The following DENND1A variants were observed in gnomAD, a reference collection of about 807,000 sequenced individuals.
The protein encoded by DENND1A is DENN domain-containing protein 1A.
In DENND1A, 51 loss-of-function variants were observed where a neutral mutation model predicts 113.7. The observed-to-expected ratio is 0.45, with a 90% CI of 0.36 to 0.57. DENND1A has a LOEUF of 0.57. Among genes scored for constraint, DENND1A ranks in the 20% least tolerant of loss-of-function variants. The probability of loss-of-function intolerance (pLI) is 0.00; values close to 1 mark genes in which losing one functional copy is unlikely to be tolerated. For missense variants in DENND1A, 1,258 were observed against 1,395.9 expected, an observed-to-expected ratio of 0.90 and a Z score of 1.57; for synonymous variants, 565 against 570.8, an observed-to-expected ratio of 0.99 and a Z score of 0.14.
chr9:123,501,587 C>A (rs2052488656), intron 13 of DENND1A, among the ~76,000 whole-genome samples: 1 of 152,140 alleles, frequency 6.6e-6, no homozygotes, highest in Admixed American at 6.6e-5. Flanking sequence ...ATCAACAGTA[C>A]CCAAAGGTTC....
chr9:123,632,208 G>A (rs2061506160), intron 9 of DENND1A, among the ~76,000 whole-genome samples: 1 of 151,112 alleles, frequency 6.6e-6, no homozygotes, highest in African/African-American at 2.4e-5. Context: ...CACCTGCCCT[G>A]ACTCTTTCCT....
chr9:123,471,095 T>C (rs898007404), intron 13 of DENND1A, among the ~76,000 whole-genome samples: 2 of 152,310 alleles, frequency 1.3e-5, no homozygotes, highest in Non-Finnish European at 1.5e-5. Context: ...CTAATGTGAA[T>C]GTGTTGTTTC....
At chr9:123,892,890 G>A (rs1850136312) in intron 1 of DENND1A, among the ~76,000 whole-genome samples, 1 of 152,172 alleles carries the variant, frequency 6.6e-6, no homozygotes, top group Non-Finnish European at 1.5e-5. Context: ...GCTGAGGCAG[G>A]AGAATTGCTT....
At chr9:123,635,421 T>C (rs905885508) in intron 9 of DENND1A, among the ~76,000 whole-genome samples, 3 of 152,276 alleles carry the variant, frequency 2.0e-5, no homozygotes, top group Non-Finnish European at 2.9e-5. Context: ...CATCCAGGTC[T>C]GTCAGAATAT....
chr9:123,412,435 C>T (rs910115173), intron 19 of DENND1A, among the ~76,000 whole-genome samples: 6 of 152,294 alleles, frequency 3.9e-5, no homozygotes, highest in Admixed American at 2.6e-4. Context: ...TGGGACTCAG[C>T]GTGGGATCCC....
At chr9:123,841,393 T>C (rs1841808465) in intron 2 of DENND1A, among the ~76,000 whole-genome samples, 1 of 152,220 alleles carries the variant, frequency 6.6e-6, no homozygotes, top group African/African-American at 2.4e-5. Context: ...TAATTTTCAT[T>C]TTAAAGGCAT....
chr9:123,510,185 C>T (rs2053333654), intron 13 of DENND1A, among the ~76,000 whole-genome samples: 1 of 152,252 alleles, frequency 6.6e-6, no homozygotes, highest in Non-Finnish European at 1.5e-5. Flanking sequence ...TCATCTCTCA[C>T]CACCGTGGAG....
At position 123,768,173 on chromosome 9, in the gene DENND1A, T is replaced by C. The variant is rs560519653; in HGVS notation, c.182+1341A>G. ...TGAGCATCAACCTGCTACTGAAATA[T>C]TCCTGGTACCAGGATTTACAAGGTC... On this transcript the variant is annotated intron_variant, in intron 4 of 23. Transcript: ENST00000394215. Among the ~76,000 whole-genome samples, 4 of 152,308 alleles carry C rather than the reference T, an allele frequency of 2.6e-5. No homozygotes were observed. In the South Asian group the frequency reaches 8.3e-4, roughly 32 times the overall value.
intron 5 of DENND1A, among the ~76,000 whole-genome samples, chr9:123,700,267 G>T (rs1438735945): frequency 1.3e-5 from 2 of 152,118 alleles, no homozygotes; most frequent in Non-Finnish European, 2.9e-5. Flanking sequence ...GAATCAGCTT[G>T]CCCAATTCTG....
At position 123,652,497 on chromosome 9, in the gene DENND1A, G is replaced by A. The variant is rs528626795; in HGVS notation, c.508-374C>T. Among the ~76,000 whole-genome samples, 6 of 152,338 alleles carry A rather than the reference G, an allele frequency of 3.9e-5. No homozygotes were observed. In the South Asian group the frequency reaches 1.2e-3, roughly 32 times the overall value. Reference sequence around the variant, plus strand: ...AACAGTCTAATAAGCAATGAAGACAGGACTGCTGCTCAAATCTTTGGGCCC... The same window carrying A: ...AACAGTCTAATAAGCAATGAAGACAAGACTGCTGCTCAAATCTTTGGGCCC... On this transcript the variant is annotated intron_variant, in intron 8 of 23. Transcript: ENST00000394215.
chr9:123,929,809 C>A, intron 1 of DENND1A, 80 bp downstream of exon 1: 1 of 179,488 alleles, frequency 5.6e-6, no homozygotes, highest in Non-Finnish European at 1.1e-5. Context: ...AAGTCCCCCG[C>A]GCGGCCCGCG....
chr9:123,624,893 C>T (rs1364844022), intron 10 of DENND1A, among the ~76,000 whole-genome samples: 2 of 152,118 alleles, frequency 1.3e-5, no homozygotes, highest in African/African-American at 4.8e-5. Context: ...TGAATGGCAG[C>T]TGGGAAGAAC....
chr9:123,624,516 G>A (rs987396448), intron 10 of DENND1A, among the ~76,000 whole-genome samples: 1 of 152,178 alleles, frequency 6.6e-6, no homozygotes, highest in Non-Finnish European at 1.5e-5. Context: ...CCACCGGCCT[G>A]TAATCATCCT....
At chr9:123,715,213 G>A (rs1030024524) in intron 5 of DENND1A, among the ~76,000 whole-genome samples, 2 of 151,896 alleles carry the variant, frequency 1.3e-5, no homozygotes, top group African/African-American at 4.8e-5. Flanking sequence ...AAAAATAAAT[G>A]TTTTGTTTAC....
intron 1 of DENND1A, among the ~76,000 whole-genome samples, chr9:123,902,331 G>A (rs1851805232): frequency 6.6e-6 from 1 of 152,130 alleles, no homozygotes; most frequent in Non-Finnish European, 1.5e-5. Context: ...AGCAGAGACA[G>A]GAATAATTCT....
intron 13 of DENND1A, among the ~76,000 whole-genome samples, chr9:123,461,376 C>A (rs1024285589): frequency 6.6e-6 from 1 of 152,186 alleles, no homozygotes; most frequent in Non-Finnish European, 1.5e-5. Context: ...GGTTAAAGAA[C>A]CACGAAATGA....
At chr9:123,413,158 T>C in intron 19 of DENND1A, 1 of 156,296 alleles carries the variant, frequency 6.4e-6, no homozygotes, top group Non-Finnish European at 1.4e-5. Flanking sequence ...CAATCCAGCC[T>C]GGGCGACAGA....
intron 5 of DENND1A, among the ~76,000 whole-genome samples, chr9:123,710,523 A>G (rs1423920573): frequency 1.4e-5 from 2 of 147,438 alleles, no homozygotes; most frequent in African/African-American, 5.4e-5. Flanking sequence ...GTCATCTATA[A>G]AGCCTCATTA....
chr9:123,765,943 T>TA (rs1828730246), intron 4 of DENND1A, among the ~76,000 whole-genome samples: 1 of 152,178 alleles, frequency 6.6e-6, no homozygotes, highest in Non-Finnish European at 1.5e-5. Context: ...AGCAAGTCAT[T>TA]TCACCTCTGT....
Sources: allele counts gnomAD v4.1 joint callset (sites outside exome capture counted in the v4.1 genomes callset), GRCh38; gene constraint gnomAD v4.1.1; transcripts MANE v1.5; gene names NCBI Gene and HGNC (gene_info 2026-07-23, HGNC 2026-07-21).